Variants in SRP54 observed in about 807,000 individuals in gnomAD.
SRP54 encodes the protein signal recognition particle subunit SRP54.
SRP54 carries 10 observed loss-of-function variants against 64.8 expected under a neutral mutation model. The ratio of observed to expected loss-of-function variants is 0.15; its 90% CI spans 0.10 to 0.26. The LOEUF (loss-of-function observed/expected upper bound fraction) is 0.26, where lower values mean the gene tolerates loss of function less well. Ranked by LOEUF, SRP54 falls within the 10% of genes least tolerant of loss-of-function variation. The probability of loss-of-function intolerance (pLI) is 1.00; values close to 1 mark genes in which losing one functional copy is unlikely to be tolerated. For synonymous variants in SRP54, 193 were observed against 185.6 expected (o/e 1.04, Z -0.32); for missense variants, 325 against 613.7 (o/e 0.53, Z 4.97).
chr14:34,999,310 G>A (rs925076033), intron 2 of SRP54, among the ~76,000 whole-genome samples: 6 of 151,902 alleles, frequency 3.9e-5, no homozygotes, highest in South Asian at 4.1e-4. Context: ...CCACCATGCC[G>A]GGCCTATAAT....
At chr14:34,999,507 C>G in intron 2 of SRP54, 51 bp from the exon 3 acceptor site, 1 of 1,380,164 alleles carries the variant, frequency 7.2e-7, no homozygotes, top group Non-Finnish European at 1.0e-6. Flanking sequence ...TTTTATGGAA[C>G]TGAAATGAAA....
rs138279410 is a variant in SRP54, at chr14:35,022,577, G to A, written c.1157-333G>A. On this transcript the variant is annotated intron_variant, in intron 13 of 15. Transcript: ENST00000216774. ...TCACCATATTGGCCAGGCTGGTGTC[G>A]AACTCCTGACCTCATGAGCTGCCTG... is the stretch of plus-strand genomic sequence containing the variant. Among the ~76,000 whole-genome samples, 92 of 152,132 alleles carry A rather than the reference G, an allele frequency of 6.0e-4. 2 individuals carry two copies. Among genetic ancestry groups the A allele is most frequent in the African/African-American group, 1.8e-3 (73 of 41,528 alleles).
At chr14:35,004,121 A>G (rs2044221647) in intron 4 of SRP54, among the ~76,000 whole-genome samples, 2 of 152,038 alleles carry the variant, frequency 1.3e-5, no homozygotes, top group South Asian at 4.1e-4. Context: ...CTAGTGGCAC[A>G]TGCCTGTAAT....
chr14:35,004,173 C>G (rs1360358027), intron 4 of SRP54, among the ~76,000 whole-genome samples: 2 of 152,088 alleles, frequency 1.3e-5, no homozygotes, highest in African/African-American at 2.4e-5. Flanking sequence ...TGGCTTGAAC[C>G]TGGGAGGCAG....
In SRP54 at chr14:35,024,054, GTC is replaced by G. The variant is rs575762919; in HGVS notation, c.1327+982_1327+983del. Reference sequence around the variant, plus strand: ...TTTATTTATATTATTTTGAGACAGAGTCTCTCTCTGTCACCCAGACTGGAGTG... The same window carrying G: ...TTTATTTATATTATTTTGAGACAGAGTCTCTCTGTCACCCAGACTGGAGTG... On this transcript the variant is annotated intron_variant, in intron 14 of 15. Coordinates refer to ENST00000216774, the MANE Select transcript of SRP54 (RefSeq NM_003136.4). 1.5e-4 allele frequency among the ~76,000 whole-genome samples: 23 copies of G among 152,094 alleles called. No individual in the cohort carries two copies. In the East Asian group the frequency reaches 4.5e-3, roughly 29 times the overall value.
chr14:35,016,163 T>A lies in SRP54; in HGVS notation c.973+1333T>A, dbSNP rs530126982. Among the ~76,000 whole-genome samples, 66 of 152,314 alleles carry A rather than the reference T, an allele frequency of 4.3e-4. 1 individual carries two copies. Among genetic ancestry groups the A allele is most frequent in the Middle Eastern group, 3.4e-3 (1 of 294 alleles). ...TGCTAGTTCATCTCTTTCCTAGATC[T>A]TCTTATTGTAAGTCTTTCAACAGAT... is the stretch of plus-strand genomic sequence containing the variant. On this transcript the variant is annotated intron_variant, in intron 11 of 15. Transcript: ENST00000216774.
Position 35,014,423 on chromosome 14 carries a change from G to A in SRP54, c.887-321G>A, listed in dbSNP as rs562609584. Among the ~76,000 whole-genome samples, 7 of 151,956 alleles carry A rather than the reference G, an allele frequency of 4.6e-5. No homozygotes were observed. The East Asian group carries it at 5.8e-4, about 13-fold the overall frequency. ...CTCCCAGGTAGCTGGGATTACAGGC[G>A]TGCACCACCAGGTCCAGCTAATTTT... On this transcript the variant is annotated intron_variant, in intron 10 of 15. Coordinates refer to ENST00000216774, the MANE Select transcript of SRP54 (RefSeq NM_003136.4).
chr14:35,003,423 A>G (rs548700748), intron 4 of SRP54, among the ~76,000 whole-genome samples: 147 of 152,128 alleles, frequency 9.7e-4, no homozygotes, highest in African/African-American at 3.4e-3. Context: ...CATTCAAACT[A>G]GAGTGCAGTG....
Position 34,999,730 on chromosome 14 carries a change from T to C in SRP54, c.170+81T>C. ...AGAGGTGCTAACTGGAAGTGTTTGC[T>C]GTATCAGGAATCATTTCTGCTCTGC... On this transcript the variant is annotated intron_variant, in intron 3 of 15. Coordinates refer to ENST00000216774, the MANE Select transcript of SRP54 (RefSeq NM_003136.4). 2.9e-6 allele frequency: 3 copies of C among 1,018,158 alleles called. No homozygotes were observed. In the Admixed American group the frequency reaches 5.5e-5, roughly 19 times the overall value. The allele number at this position is 1,018,158 out of a possible 1,614,324, so 63.1% of individuals were successfully genotyped here.
chr14:35,012,549 T>G (rs773312990), intron 8 of SRP54, among the ~76,000 whole-genome samples: 20 of 152,188 alleles, frequency 1.3e-4, no homozygotes, highest in Non-Finnish European at 2.4e-4. Context: ...CAAGTATATT[T>G]TATCCGTTTT....
At chr14:35,007,633 TTTATA>T (rs1268006969) in intron 5 of SRP54, among the ~76,000 whole-genome samples, 1 of 102,818 alleles carries the variant, frequency 9.7e-6, no homozygotes, top group Admixed American at 1.0e-4. Flanking sequence ...TTAAAATATA[TTTATA>T]TTATAATAAA....
chr14:35,027,277 G>T (rs2044646856), intron 14 of SRP54, among the ~76,000 whole-genome samples: 1 of 151,940 alleles, frequency 6.6e-6, no homozygotes, highest in Non-Finnish European at 1.5e-5. Context: ...TGATCTGCCA[G>T]CCTCGGCCTC....
chr14:35,018,823 G>C (rs1334006936), intron 12 of SRP54, 58 bp downstream of exon 12: 1 of 1,512,900 alleles, frequency 6.6e-7, no homozygotes, highest in Non-Finnish European at 9.1e-7. Context: ...TTCTAAAATA[G>C]ATACACTTGC....
chr14:35,002,286 CG>C (rs1368633518), intron 4 of SRP54, among the ~76,000 whole-genome samples: 3 of 151,690 alleles, frequency 2.0e-5, no homozygotes, highest in African/African-American at 4.8e-5. Flanking sequence ...CCCAGGAGTT[CG>C]GGGGTGCAGT....
chr14:34,996,668 C>G lies in SRP54; in HGVS notation c.-33-9C>G. 1.5e-6 allele frequency: 2 copies of G among 1,363,634 alleles called. No homozygotes were observed. The highest frequency in any genetic ancestry group is 2.1e-6 in the Non-Finnish European group (2 of 953,624). The allele number at this position is 1,363,634 out of a possible 1,614,324, so 84.5% of individuals were successfully genotyped here. A position where few individuals can be genotyped will look rare whatever the true frequency, so the allele number is the denominator to read the frequency against. ...TGATTATTCTCACTTAATTTTTTTT[C>G]TGCTGTAGAGTTCTTCGTAAGTACA... On this transcript the variant is annotated splice_polypyrimidine_tract_variant and intron_variant, in intron 1 of 15. Coordinates refer to ENST00000216774, the MANE Select transcript of SRP54 (RefSeq NM_003136.4).
intron 2 of SRP54, among the ~76,000 whole-genome samples, chr14:34,998,567 T>C (rs1219101980): frequency 6.6e-6 from 1 of 152,050 alleles, no homozygotes; most frequent in East Asian, 1.9e-4. Context: ...ATCCCAGCAC[T>C]CTGGGAGGCT....
intron 14 of SRP54, among the ~76,000 whole-genome samples, chr14:35,024,127 A>G (rs2044581138): frequency 6.6e-6 from 1 of 152,124 alleles, no homozygotes; most frequent in Non-Finnish European, 1.5e-5. Flanking sequence ...TCCCAGGCTC[A>G]AACAATTCTC....
At chr14:34,987,900 T>G (rs2043923104) in intron 1 of SRP54, among the ~76,000 whole-genome samples, 1 of 152,192 alleles carries the variant, frequency 6.6e-6, no homozygotes, top group African/African-American at 2.4e-5. Flanking sequence ...TAAGCCTGTT[T>G]TTAGCATTAG....
At chr14:34,992,181 C>T (rs1464769715) in intron 1 of SRP54, among the ~76,000 whole-genome samples, 4 of 152,174 alleles carry the variant, frequency 2.6e-5, no homozygotes, top group Non-Finnish European at 5.9e-5. Flanking sequence ...GATCCACCCG[C>T]CTTGGCCTCC....
Sources: gnomAD v4.1 joint callset for allele counts (sites outside exome capture counted in the v4.1 genomes callset) on GRCh38, gnomAD v4.1.1 for gene constraint, MANE v1.5 for transcripts, NCBI Gene and HGNC (gene_info 2026-07-23, HGNC 2026-07-21) for gene names.